The following ARFGEF3 variants were observed in gnomAD, a reference collection of about 807,000 sequenced individuals.
The protein encoded by ARFGEF3 is ARFGEF family member 3, also known as brefeldin A-inhibited guanine nucleotide-exchange protein 3.
In ARFGEF3, 96 loss-of-function variants were observed where a neutral mutation model predicts 221.7. The ratio of observed to expected loss-of-function variants is 0.43; its 90% CI spans 0.37 to 0.51. The LOEUF (loss-of-function observed/expected upper bound fraction) is 0.51, where lower values mean the gene tolerates loss of function less well. Ranked by LOEUF, ARFGEF3 falls within the 20% of genes least tolerant of loss-of-function variation. The pLI is 0.00. For synonymous variants in ARFGEF3, 1,145 were observed against 1,126.8 expected, an observed-to-expected ratio of 1.02 and a Z score of -0.32; for missense variants, 2,410 against 2,789.9, an observed-to-expected ratio of 0.86 and a Z score of 3.07.
chr6:138,264,161 A>G (rs998034095), intron 12 of ARFGEF3, among the ~76,000 whole-genome samples: 4 of 152,230 alleles, frequency 2.6e-5, no homozygotes, highest in African/African-American at 9.6e-5. Context: ...ATTGTGACTC[A>G]GACCGTAAAC....
In ARFGEF3 at chr6:138,263,437, T is replaced by C. The variant is rs1778829314; in HGVS notation, c.1954T>C (p.Ser652Pro). The C allele has an allele frequency of 3.1e-6, 5 of 1,613,830 alleles. No homozygotes were observed. Among genetic ancestry groups the C allele is most frequent in the Non-Finnish European group, 4.2e-6 (5 of 1,179,892 alleles). ...QTPRDCLGHR[S>P]LRTAALSLKL... ...ACCCCGGGACTGCCTAGGCCACCGGTCCCTGCGAACTGCCGCCCTGTCTCT... is the reference window on the plus strand; with the variant it reads ...ACCCCGGGACTGCCTAGGCCACCGGCCCCTGCGAACTGCCGCCCTGTCTCT... The change falls in exon 12 of 34, where the codon TCC becomes CCC. Residue 652 changes from serine to proline, a missense_variant. This residue lies in a region of ARFGEF3 where 594 missense variants were observed against 734.3 expected (regional missense o/e 0.81). Transcript: ENST00000251691.
At chr6:138,256,820 T>A (rs1394969334) in intron 10 of ARFGEF3, among the ~76,000 whole-genome samples, 1 of 152,144 alleles carries the variant, frequency 6.6e-6, no homozygotes, top group Non-Finnish European at 1.5e-5. Context: ...AGTCTCACTC[T>A]GTTGCCCAGG....
intron 2 of ARFGEF3, among the ~76,000 whole-genome samples, chr6:138,182,007 CTT>C (rs1777087223): frequency 1.3e-5 from 2 of 152,280 alleles, no homozygotes; most frequent in South Asian, 4.2e-4. Flanking sequence ...CCCTGTAGGA[CTT>C]TTCTTCTGGG....
chr6:138,203,896 C>T (rs1777582157), intron 2 of ARFGEF3, among the ~76,000 whole-genome samples: 1 of 151,980 alleles, frequency 6.6e-6, no homozygotes, highest in African/African-American at 2.4e-5. Context: ...CCTCCTTGGA[C>T]TCCCAAAATG....
intron 14 of ARFGEF3, among the ~76,000 whole-genome samples, chr6:138,284,320 AAAAC>A (rs1339399942): frequency 6.6e-5 from 10 of 152,166 alleles, no homozygotes; most frequent in South Asian, 2.1e-4. Flanking sequence ...CAAACAAACA[AAAAC>A]AAACAAAAAA....
At chr6:138,196,285 T>C (rs1777420723) in intron 2 of ARFGEF3, among the ~76,000 whole-genome samples, 1 of 152,250 alleles carries the variant, frequency 6.6e-6, no homozygotes, top group African/African-American at 2.4e-5. Context: ...TTCATTATTA[T>C]GCAAACATCA....
intron 8 of ARFGEF3, 69 bp downstream of exon 8, chr6:138,245,660 C>A: frequency 8.9e-7 from 1 of 1,127,644 alleles, no homozygotes; most frequent in Non-Finnish European, 1.3e-6. Context: ...TTGTCTGCAG[C>A]ATCACTTCAA....
At chr6:138,218,552 GTTTC>G in intron 4 of ARFGEF3, 1 of 1,259,252 alleles carries the variant, frequency 7.9e-7, no homozygotes, top group Non-Finnish European at 1.1e-6. Flanking sequence ...CTGAGCCAAT[GTTTC>G]TGTTCCATCC....
At position 138,296,953 on chromosome 6, in the gene ARFGEF3, G is replaced by T. The variant is rs761230149; in HGVS notation, c.3646G>T (p.Glu1216Ter). Reference protein sequence around the residue: ...CWSLVAPHLVEAACHKERHVS... With the variant: ...CWSLVAPHLV ...GAGCCTTGTGGCCCCACACCTGGTG[G>T]AGGTGAGCACTGGGAAGGTGGGAAG... The change falls in exon 21 of 34, where the codon GAG becomes TAG. Residue 1216 changes from glutamate to a stop codon, truncating the protein, a stop_gained and splice_region_variant. Coordinates refer to ENST00000251691, the MANE Select transcript of ARFGEF3 (RefSeq NM_020340.5). LOFTEE classifies it high-confidence loss of function. 6.2e-7 allele frequency: 1 copy of T among 1,611,680 alleles called. No homozygotes were observed.
At chr6:138,171,348 A>C (rs750329131) in intron 2 of ARFGEF3, among the ~76,000 whole-genome samples, 1 of 148,610 alleles carries the variant, frequency 6.7e-6, no homozygotes, top group Non-Finnish European at 1.5e-5. Flanking sequence ...GGTCAAGGAG[A>C]GACATGATCA....
rs1200109787 is a variant in ARFGEF3, at chr6:138,262,816, G to A, written c.1333G>A (p.Gly445Ser). The A allele has an allele frequency of 6.2e-7, 1 of 1,613,918 alleles. No homozygotes were observed. ...CCTGGATGAGCTCAGCCAGGGGAAG[G>A]GCTTGAGCGAAGGTCAGGTGCAACT... is the stretch of plus-strand genomic sequence containing the variant. ...GALDELSQGK[G>S]LSEGQVQLLL... Residue 445 changes from glycine to serine, a missense_variant, in exon 12 of 34, where the codon GGC becomes AGC. Transcript: ENST00000251691.
chr6:138,343,132 A>G lies in ARFGEF3; in HGVS notation c.*6646A>G, dbSNP rs189113562. 6.6e-6 allele frequency: 1 copy of G among 152,312 alleles called. No individual in the cohort carries two copies. Among genetic ancestry groups the G allele is most frequent in the East Asian group, 1.9e-4 (1 of 5,190 alleles). The allele number at this position is 152,312 out of a possible 1,614,324, so 9.4% of individuals were successfully genotyped here. A position where few individuals can be genotyped will look rare whatever the true frequency, so the allele number is the denominator to read the frequency against. On this transcript the variant is annotated 3_prime_UTR_variant, in exon 34 of 34. Transcript: ENST00000251691. ...AGTTTATCTCTTCTTTACTGAATTAATTAGTTTTGGAAATTCTTTTACCAT... is the reference window on the plus strand; with the variant it reads ...AGTTTATCTCTTCTTTACTGAATTAGTTAGTTTTGGAAATTCTTTTACCAT...
intron 8 of ARFGEF3, among the ~76,000 whole-genome samples, chr6:138,251,770 C>T (rs1778587936): frequency 6.6e-6 from 1 of 152,080 alleles, no homozygotes. Context: ...TCTACTAAGA[C>T]AGCATGTCCT....
chr6:138,275,613 G>A (rs1779082577), intron 12 of ARFGEF3, among the ~76,000 whole-genome samples: 1 of 151,650 alleles, frequency 6.6e-6, no homozygotes, highest in East Asian at 1.9e-4. Context: ...ATGTGGTGGT[G>A]CATGCCTGTG....
At position 138,162,108 on chromosome 6, in the gene ARFGEF3, C is replaced by T. The variant is rs1444637534; in HGVS notation, c.22C>T (p.Leu8=). ...CAAGATGGAAGAAATCCTGAGGAAG[C>T]TGCAGAAGGAGGCGTCCGGGAGCAA... The part of the protein sequence containing the change: MEEILRK[L]QKEASGSKYK... The change falls in exon 1 of 34, where the codon CTG becomes TTG. Residue 8 remains leucine, a synonymous_variant. Coordinates refer to ENST00000251691, the MANE Select transcript of ARFGEF3 (RefSeq NM_020340.5). This position sits in a 1 kb window ranked among gnomAD's most constrained non-coding sequence, Gnocchi z 4.7. 1 of 1,603,864 alleles carries T rather than the reference C, an allele frequency of 6.2e-7. No homozygotes were observed. Among genetic ancestry groups the T allele is most frequent in the Admixed American group, 1.7e-5 (1 of 59,546 alleles).
At position 138,262,943 on chromosome 6, in the gene ARFGEF3, C is replaced by T. The variant is rs1778820459; in HGVS notation, c.1460C>T (p.Ser487Phe). The change falls in exon 12 of 34, where the codon TCC (serine) becomes TTC (phenylalanine). Residue 487 changes from serine (S) to phenylalanine (F), a missense_variant. Physicochemically the swap from Ser to Phe is radical, Grantham distance 155. Transcript: ENST00000251691. Reference sequence around the variant, plus strand: ...TTCCGCTGGCAGCGGCGAGTGCTGTCCTCAGAACACACGCCGTGGGAGTCA... The same window carrying T: ...TTCCGCTGGCAGCGGCGAGTGCTGTTCTCAGAACACACGCCGTGGGAGTCA... ...ADFRWQRRVL[S>F]SEHTPWESGN... The T allele has an allele frequency of 6.2e-7, 1 of 1,603,396 alleles. No individual in the cohort carries two copies. Among genetic ancestry groups the T allele is most frequent in the African/African-American group, 1.3e-5 (1 of 74,710 alleles).
rs747277139 is a variant in ARFGEF3 at position 138,278,611 on chromosome 6, C to A, written c.2289C>A (p.Gly763=). The change falls in exon 13 of 34, where the codon GGC becomes GGA. Residue 763 remains glycine (G), a synonymous_variant. Coordinates refer to ENST00000251691, the MANE Select transcript of ARFGEF3 (RefSeq NM_020340.5). ...GGAAGCGGCCGACCCTGGCGCCAGG[C>A]GTGATGGTGAGTGTGCCGTCCCTCA... ...YYRKRPTLAP[G]VMKDFMKQVQ... 1.9e-6 allele frequency: 3 copies of A among 1,613,538 alleles called. No homozygotes were observed. Among genetic ancestry groups the A allele is most frequent in the Non-Finnish European group, 2.5e-6 (3 of 1,179,798 alleles).
intron 3 of ARFGEF3, 40 bp from the exon 4 acceptor site, chr6:138,209,870 G>A (rs192996208): frequency 6.2e-7 from 1 of 1,607,316 alleles, no homozygotes; most frequent in African/African-American, 1.3e-5. Context: ...GGCAGCAGGG[G>A]AGAGCCTATC....
In ARFGEF3 at chr6:138,328,045, T is replaced by G. The variant is rs760210298; in HGVS notation, c.5026T>G (p.Ser1676Ala). 6.4e-7 allele frequency: 1 copy of G among 1,554,780 alleles called. No individual in the cohort carries two copies. Among genetic ancestry groups the G allele is most frequent in the Non-Finnish European group, 8.7e-7 (1 of 1,148,356 alleles). Residue 1676 changes from serine (S) to alanine (A), a missense_variant, in exon 32 of 34, where the codon TCA becomes GCA. By Grantham distance (99) the Ser-to-Ala change is moderately conservative (BLOSUM62 1). Transcript: ENST00000251691. ...GGTGTTTATGCTGGACACCCAGTGC[T>G]CACCAAAGACACCAAACAACTTTGA... Reference protein sequence around the residue: ...QQVFMLDTQCSPKTPNNFDHA... With the variant: ...QQVFMLDTQCAPKTPNNFDHA...
Sources: allele counts gnomAD v4.1 joint callset (sites outside exome capture counted in the v4.1 genomes callset), GRCh38; gene constraint gnomAD v4.1.1; regional missense constraint gnomAD v4.1.1; non-coding constraint Gnocchi (gnomAD v3.1); transcripts MANE v1.5; gene names NCBI Gene and HGNC (gene_info 2026-07-23, HGNC 2026-07-21).